FAM13A: variants seen among roughly 807,000 people sequenced by gnomAD.
FAM13A encodes the protein protein FAM13A.
Under a neutral mutation model 129.6 loss-of-function variants are expected in FAM13A, and 76 were observed. That is an observed-to-expected ratio of 0.59 (90% CI 0.49 to 0.71). The LOEUF is 0.71. Among genes scored for constraint, FAM13A ranks in the 30% least tolerant of loss-of-function variants. FAM13A has a pLI of 0.00. For missense variants in FAM13A, 1,108 were observed against 1,249.3 expected, an observed-to-expected ratio of 0.89 and a Z score of 1.70; for synonymous variants, 443 against 449.9, an observed-to-expected ratio of 0.98 and a Z score of 0.20.
intron 4 of FAM13A, among the ~76,000 whole-genome samples, chr4:88,963,027 G>A (rs1412436151): frequency 1.3e-5 from 2 of 151,860 alleles, no homozygotes; most frequent in African/African-American, 4.8e-5. Context: ...AATATCAATG[G>A]GTCACTAGGT....
chr4:88,950,748 G>A (rs1215197551), intron 4 of FAM13A, among the ~76,000 whole-genome samples: 4 of 152,076 alleles, frequency 2.6e-5, no homozygotes, highest in South Asian at 2.1e-4. Context: ...CTTAAAATAC[G>A]GGTGAATTTT....
intron 7 of FAM13A, among the ~76,000 whole-genome samples, chr4:88,844,630 TGAGGAAA>T (rs1736353568): frequency 6.6e-6 from 1 of 152,084 alleles, no homozygotes; most frequent in African/African-American, 2.4e-5. Context: ...GCTCTAGGTA[TGAGGAAA>T]AGACAAGCAT....
intron 9 of FAM13A, 77 bp from the exon 10 acceptor site, chr4:88,788,009 T>G (rs1724326731): frequency 1.7e-6 from 2 of 1,159,358 alleles, no homozygotes; most frequent in Admixed American, 4.5e-5. Flanking sequence ...TGCCTACAGT[T>G]TTGGGAACAT....
chr4:88,733,744 A>C (rs761257377), intron 21 of FAM13A, among the ~76,000 whole-genome samples: 3 of 152,244 alleles, frequency 2.0e-5, no homozygotes, highest in African/African-American at 4.8e-5. Flanking sequence ...TAAGCAGTCT[A>C]GTAATTCAGT....
At chr4:88,877,819 A>C (rs901135500) in intron 6 of FAM13A, among the ~76,000 whole-genome samples, 5 of 152,186 alleles carry the variant, frequency 3.3e-5, no homozygotes, top group African/African-American at 1.2e-4. Flanking sequence ...TTTCTCCTTG[A>C]ATCTTCTACT....
intron 9 of FAM13A, among the ~76,000 whole-genome samples, chr4:88,789,602 A>G (rs1245215565): frequency 6.6e-6 from 1 of 152,170 alleles, no homozygotes; most frequent in Non-Finnish European, 1.5e-5. Flanking sequence ...TATGCCAGGA[A>G]CTTCTCTAGG....
chr4:88,873,008 T>C lies in FAM13A; in HGVS notation c.844-21825A>G, dbSNP rs190720571. Among the ~76,000 whole-genome samples, 144 of 152,228 alleles carry C rather than the reference T, an allele frequency of 9.5e-4. 1 individual carries two copies. Among genetic ancestry groups the C allele is most frequent in the African/African-American group, 3.2e-3 (134 of 41,534 alleles). ...ACTCACTCACAACCACACTCCTATA[T>C]GGAAACTGAATAACTTGCTCCTGAA... is the stretch of plus-strand genomic sequence containing the variant. On this transcript the variant is annotated intron_variant, in intron 6 of 23. Coordinates refer to ENST00000264344, the MANE Select transcript of FAM13A (RefSeq NM_014883.4).
At chr4:89,051,067 T>C (rs1417465191) in intron 1 of FAM13A, among the ~76,000 whole-genome samples, 1 of 152,230 alleles carries the variant, frequency 6.6e-6, no homozygotes, top group Non-Finnish European at 1.5e-5. Context: ...CAGATACAAC[T>C]ACATATGGGT....
At chr4:88,767,739 A>G in intron 12 of FAM13A, 144 bp from the exon 13 acceptor site, 1 of 742,198 alleles carries the variant, frequency 1.3e-6, no homozygotes, top group South Asian at 2.1e-5. Context: ...ACAAAACACA[A>G]AACAAAAAAT....
intron 1 of FAM13A, among the ~76,000 whole-genome samples, chr4:89,047,895 T>A (rs1560950667): frequency 1.3e-5 from 2 of 152,118 alleles, no homozygotes; most frequent in Admixed American, 6.5e-5. Flanking sequence ...AATATGCATA[T>A]GAAAATATGC....
chr4:88,912,750 T>C (rs1017979938), intron 5 of FAM13A, among the ~76,000 whole-genome samples: 1 of 152,154 alleles, frequency 6.6e-6, no homozygotes, highest in Non-Finnish European at 1.5e-5. Flanking sequence ...TATTGGTTTA[T>C]TTTCTGAATC....
In FAM13A at chr4:88,906,483, A is replaced by C. The variant is rs770204735; in HGVS notation, c.760-21T>G. The C allele has an allele frequency of 1.6e-5, 24 of 1,527,604 alleles. No homozygotes were observed. The South Asian group carries it at 2.2e-4, about 14-fold the overall frequency. The allele number at this position is 1,527,604 out of a possible 1,614,324, so 94.6% of individuals were successfully genotyped here. A position where few individuals can be genotyped will look rare whatever the true frequency, so the allele number is the denominator to read the frequency against. On this transcript the variant is annotated intron_variant, in intron 5 of 23. Coordinates refer to ENST00000264344, the MANE Select transcript of FAM13A (RefSeq NM_014883.4). ...ACCTCCTACAAAAGAAGTATAAAGG[A>C]AACATTAGAGATTAAAGAACACTTA...
intron 7 of FAM13A, among the ~76,000 whole-genome samples, chr4:88,828,642 A>G (rs1733407676): frequency 6.6e-6 from 1 of 152,178 alleles, no homozygotes; most frequent in Admixed American, 6.5e-5. Context: ...GAATTAATGG[A>G]TACATCAATT....
chr4:89,010,477 C>T (rs926784894), intron 3 of FAM13A, among the ~76,000 whole-genome samples: 1 of 151,792 alleles, frequency 6.6e-6, no homozygotes, highest in Non-Finnish European at 1.5e-5. Context: ...TGAAGACTGT[C>T]TCTTCCTTTC....
chr4:88,800,950 G>A (rs1727339153), intron 8 of FAM13A, among the ~76,000 whole-genome samples: 1 of 151,624 alleles, frequency 6.6e-6, no homozygotes, highest in Non-Finnish European at 1.5e-5. Flanking sequence ...TGATAATGAA[G>A]GATTTTTACC....
chr4:89,039,164 T>A (rs1056960878), intron 1 of FAM13A, among the ~76,000 whole-genome samples: 1 of 152,096 alleles, frequency 6.6e-6, no homozygotes, highest in Non-Finnish European at 1.5e-5. Flanking sequence ...AAAGAGACTG[T>A]GAAAAAAAGA....
intron 3 of FAM13A, among the ~76,000 whole-genome samples, chr4:89,006,439 G>A (rs1039455655): frequency 4.6e-5 from 7 of 152,174 alleles, no homozygotes; most frequent in African/African-American, 1.7e-4. Context: ...AATTCCCTGC[G>A]CCCCACTGTG....
At chr4:88,738,913 A>G (rs1578430572) in intron 20 of FAM13A, 117 bp downstream of exon 20, 1 of 693,820 alleles carries the variant, frequency 1.4e-6, no homozygotes. Context: ...GTAATGGCTG[A>G]TTCAGCAATT....
intron 4 of FAM13A, among the ~76,000 whole-genome samples, chr4:88,983,193 T>G (rs1389385917): frequency 6.6e-6 from 1 of 151,988 alleles, no homozygotes; most frequent in Non-Finnish European, 1.5e-5. Context: ...GAAAACTTAG[T>G]CTCAGAGTTA....
Sources: allele counts gnomAD v4.1 joint callset (sites outside exome capture counted in the v4.1 genomes callset), GRCh38; gene constraint gnomAD v4.1.1; transcripts MANE v1.5; gene names NCBI Gene and HGNC (gene_info 2026-07-23, HGNC 2026-07-21).